TIA1: variants seen among roughly 807,000 people sequenced by gnomAD.
TIA1 encodes TIA1 cytotoxic granule associated RNA binding protein, also known as cytotoxic granule associated RNA binding protein TIA1.
In TIA1, 23 loss-of-function variants were observed where a neutral mutation model predicts 65.9. The ratio of observed to expected loss-of-function variants is 0.35; its 90% confidence interval spans 0.25 to 0.49. The LOEUF (loss-of-function observed/expected upper bound fraction) is 0.49, where lower values mean the gene tolerates loss of function less well. Ranked by LOEUF, TIA1 falls within the 20% of genes least tolerant of loss-of-function variation. TIA1 has a pLI of 0.98. For missense variants in TIA1, 371 were observed against 477.9 expected (o/e 0.78, Z 2.09); for synonymous variants, 147 against 149.4 (o/e 0.98, Z 0.12).
intron 1 of TIA1, among the ~76,000 whole-genome samples, chr2:70,246,545 ATTAGTGAG>A (rs895962608): frequency 2.0e-5 from 3 of 152,168 alleles, no homozygotes; most frequent in African/African-American, 7.2e-5. Context: ...GATGGGGTGT[ATTAGTGAG>A]GGATACAAGG....
At chr2:70,228,454 G>A in intron 5 of TIA1, 1 of 1,278,364 alleles carries the variant, frequency 7.8e-7, no homozygotes, top group Non-Finnish European at 1.0e-6. Context: ...ATGTGCAAGT[G>A]AACTAAGACT....
At chr2:70,214,248 TA>T (rs1327499907) in intron 12 of TIA1, 100 bp downstream of exon 12, 14 of 1,298,408 alleles carry the variant, frequency 1.1e-5, no homozygotes, top group Admixed American at 2.4e-5. Flanking sequence ...ACGCTTTACA[TA>T]AGAGGCCCTA....
At chr2:70,229,772 C>T (rs1448041826) in intron 3 of TIA1, among the ~76,000 whole-genome samples, 1 of 151,978 alleles carries the variant, frequency 6.6e-6, no homozygotes, top group African/African-American at 2.4e-5. Flanking sequence ...AACCCTGTCT[C>T]TACAAAAATA....
At chr2:70,241,705 C>T (rs965593461) in intron 1 of TIA1, among the ~76,000 whole-genome samples, 2 of 151,874 alleles carry the variant, frequency 1.3e-5, no homozygotes, top group Non-Finnish European at 2.9e-5. Context: ...TTTGGGAGGC[C>T]GAGGTGAGAG....
intron 2 of TIA1, among the ~76,000 whole-genome samples, chr2:70,235,748 G>C (rs1448685800): frequency 6.6e-6 from 1 of 152,040 alleles, no homozygotes; most frequent in African/African-American, 2.4e-5. Flanking sequence ...CCAACCAGTT[G>C]ACACCACATA....
In TIA1 at chr2:70,212,639, G is replaced by T; in HGVS notation, c.*80C>A. 2.4e-6 allele frequency: 2 copies of T among 844,170 alleles called. No homozygotes were observed. The highest frequency in any genetic ancestry group is 1.4e-5 in the South Asian group (1 of 72,218). The allele number at this position is 844,170 out of a possible 1,614,324, so 52.3% of individuals were successfully genotyped here. A position where few individuals can be genotyped will look rare whatever the true frequency, so the allele number is the denominator to read the frequency against. On this transcript the variant is annotated 3_prime_UTR_variant, in exon 13 of 13. Transcript: ENST00000433529. Reference sequence around the variant, plus strand: ...ATCTGACATTTGCACTGACTGATTTGATAAATCTTTAAGTAAACAACGGCT... The same window carrying T: ...ATCTGACATTTGCACTGACTGATTTTATAAATCTTTAAGTAAACAACGGCT...
At chr2:70,215,611 A>C in intron 10 of TIA1, 117 bp from the exon 11 acceptor site, 2 of 925,658 alleles carry the variant, frequency 2.2e-6, no homozygotes, top group Non-Finnish European at 1.6e-6. Context: ...AACATGGCAT[A>C]TTTTCTTTGC....
chr2:70,228,697 C>T (rs1216011855), intron 5 of TIA1: 1 of 985,230 alleles, frequency 1.0e-6, no homozygotes. Flanking sequence ...AGGCCTTAAA[C>T]AACATTTTGG....
intron 12 of TIA1, among the ~76,000 whole-genome samples, chr2:70,213,589 T>C (rs1487018034): frequency 1.3e-5 from 2 of 151,952 alleles, no homozygotes; most frequent in Admixed American, 6.6e-5. Flanking sequence ...ACTCAAGTGA[T>C]CCGCCTGCCT....
intron 5 of TIA1, among the ~76,000 whole-genome samples, 168 bp from the exon 6 acceptor site, chr2:70,227,990 A>G (rs1218161824): frequency 1.3e-5 from 2 of 152,294 alleles, no homozygotes; most frequent in East Asian, 1.9e-4. Flanking sequence ...TAAACAATGA[A>G]TCAAGGTAAC....
intron 1 of TIA1, among the ~76,000 whole-genome samples, chr2:70,236,999 A>G (rs1019426441): frequency 6.6e-6 from 1 of 152,248 alleles, no homozygotes; most frequent in Admixed American, 6.5e-5. Flanking sequence ...TAAAAATTAA[A>G]CTTGAGAAAT....
chr2:70,236,140 G>C lies in TIA1; in HGVS notation c.62C>G (p.Ala21Gly). 6.2e-7 allele frequency: 1 copy of C among 1,612,160 alleles called. No homozygotes were observed. Among genetic ancestry groups the C allele is most frequent in the African/African-American group, 1.3e-5 (1 of 74,804 alleles). ...VGNLSRDVTE[A>G]LILQLFSQIG... ...CTGGCTAAAGAGTTGCAGAATTAGA[G>C]CTTCTGTCACATCTCTGGAAAGGTT... Residue 21 changes from alanine to glycine, a missense_variant, in exon 2 of 13, where the codon GCT (alanine) becomes GGT (glycine). Physicochemically the swap from Ala to Gly is moderately conservative, Grantham distance 60 (BLOSUM62 0). Transcript: ENST00000433529.
intron 2 of TIA1, 64 bp from the exon 3 acceptor site, chr2:70,230,918 TA>T (rs570158009): frequency 0.029 from 31,063 of 1,073,438 alleles, no homozygotes; most frequent in South Asian, 0.039. Context: ...TAAAATTATG[TA>T]AAAAAAAAAA....
intron 7 of TIA1, among the ~76,000 whole-genome samples, chr2:70,219,652 T>A (rs868191154): frequency 1.2e-3 from 185 of 151,994 alleles, no homozygotes; most frequent in African/African-American, 3.9e-3. Context: ...TTTATTTTTT[T>A]AATTTCTTTA....
chr2:70,220,021 G>T (rs1680535977), intron 7 of TIA1, among the ~76,000 whole-genome samples: 1 of 151,082 alleles, frequency 6.6e-6, no homozygotes, highest in South Asian at 2.1e-4. Flanking sequence ...GTGAAATATG[G>T]CCTTATTTGG....
chr2:70,218,342 G>C (rs1301463450), intron 7 of TIA1, among the ~76,000 whole-genome samples: 2 of 152,220 alleles, frequency 1.3e-5, no homozygotes, highest in Non-Finnish European at 2.9e-5. Context: ...TGAAAGACTA[G>C]TTTCAGTGGA....
intron 8 of TIA1, 127 bp from the exon 9 acceptor site, chr2:70,216,626 T>C: frequency 7.7e-7 from 1 of 1,296,388 alleles, no homozygotes; most frequent in Non-Finnish European, 1.0e-6. Flanking sequence ...TTACACATAT[T>C]ATACTTCAGT....
At chr2:70,229,462 C>T (rs1685177104) in intron 3 of TIA1, 144 bp from the exon 4 acceptor site, 2 of 651,378 alleles carry the variant, frequency 3.1e-6, no homozygotes, top group South Asian at 2.0e-5. Flanking sequence ...AACACTTAAT[C>T]TTCTGACCTA....
At chr2:70,216,042 G>A (rs977379294) in intron 10 of TIA1, 166 bp downstream of exon 10, 10 of 642,020 alleles carry the variant, frequency 1.6e-5, no homozygotes, top group Middle Eastern at 4.3e-4. Context: ...GTGAGCCACC[G>A]CACCCGGCCA....
Sources: gnomAD v4.1 joint callset for allele counts (sites outside exome capture counted in the v4.1 genomes callset) on GRCh38, gnomAD v4.1.1 for gene constraint, MANE v1.5 for transcripts, NCBI Gene and HGNC (gene_info 2026-07-23, HGNC 2026-07-21) for gene names.